Variants in UBL3 observed in about 807,000 individuals in gnomAD.
The protein encoded by UBL3 is ubiquitin like 3, also known as ubiquitin-like protein 3.
In UBL3, 6 loss-of-function variants were observed where a neutral mutation model predicts 18.4. The ratio of observed to expected loss-of-function variants is 0.33; its 90% CI spans 0.18 to 0.64. The LOEUF is 0.64. Ranked by LOEUF, UBL3 falls within the 30% of genes least tolerant of loss-of-function variation. The pLI, the probability that UBL3 is intolerant of heterozygous loss-of-function variation, is 0.76. For synonymous variants in UBL3, 49 were observed against 46.6 expected, an observed-to-expected ratio of 1.05 and a Z score of -0.21; for missense variants, 109 against 142.9, an observed-to-expected ratio of 0.76 and a Z score of 1.21.
intron 1 of UBL3, among the ~76,000 whole-genome samples, chr13:29,801,489 C>G (rs891586084): frequency 6.6e-6 from 1 of 152,244 alleles, no homozygotes; most frequent in Non-Finnish European, 1.5e-5. Flanking sequence ...GAGCCCTCAA[C>G]CCCCGCATTT....
At chr13:29,838,008 C>G (rs552018264) in intron 1 of UBL3, among the ~76,000 whole-genome samples, 1 of 150,800 alleles carries the variant, frequency 6.6e-6, no homozygotes, top group African/African-American at 2.4e-5. Context: ...CCTCAAGATA[C>G]TCTACAAGCT....
At chr13:29,818,107 A>T (rs924688624) in intron 1 of UBL3, among the ~76,000 whole-genome samples, 4 of 152,202 alleles carry the variant, frequency 2.6e-5, no homozygotes, top group African/African-American at 9.6e-5. Flanking sequence ...GCATTACACC[A>T]GAATCAGCTC....
rs189256711 is a variant in UBL3 at position 29,775,173 on chromosome 13, C to A, written c.136+1982G>T. On this transcript the variant is annotated intron_variant, in intron 2 of 4. Coordinates refer to ENST00000380680, the MANE Select transcript of UBL3 (RefSeq NM_007106.4). The stretch of plus-strand genomic sequence containing the variant: ...TTTGGCAAAAATACATCATCTAGCA[C>A]ATTAATGTTGTTAACTTGAACATTA... Among the ~76,000 whole-genome samples, 295 of 152,256 alleles carry A rather than the reference C, an allele frequency of 1.9e-3. 4 individuals are homozygous for A. Among genetic ancestry groups the A allele is most frequent in the African/African-American group, 6.0e-3 (249 of 41,534 alleles).
intron 1 of UBL3, among the ~76,000 whole-genome samples, chr13:29,828,916 C>G (rs569054962): frequency 1.3e-5 from 2 of 152,310 alleles, no homozygotes; most frequent in South Asian, 4.1e-4. Flanking sequence ...AGCGGAAGGT[C>G]TGTTGTAGTT....
At chr13:29,788,728 T>C (rs1349441300) in intron 1 of UBL3, among the ~76,000 whole-genome samples, 11 of 152,110 alleles carry the variant, frequency 7.2e-5, no homozygotes, top group Non-Finnish European at 4.4e-5. Context: ...GGAATATAAG[T>C]AGATGCTAAG....
chr13:29,821,199 G>C (rs889021638), intron 1 of UBL3, among the ~76,000 whole-genome samples: 12 of 151,690 alleles, frequency 7.9e-5, no homozygotes, highest in African/African-American at 2.9e-4. Context: ...TACCAAAAAA[G>C]CTTTGTTAAA....
chr13:29,793,972 G>A (rs1298389767), intron 1 of UBL3, among the ~76,000 whole-genome samples: 1 of 152,124 alleles, frequency 6.6e-6, no homozygotes, highest in African/African-American at 2.4e-5. Flanking sequence ...AGCCTCCCAA[G>A]TAGCTGGGAT....
At chr13:29,823,216 C>T (rs551410679) in intron 1 of UBL3, among the ~76,000 whole-genome samples, 33 of 152,270 alleles carry the variant, frequency 2.2e-4, no homozygotes, top group African/African-American at 7.7e-4. Flanking sequence ...GATCTCAACT[C>T]ACTGCAACCT....
intron 1 of UBL3, among the ~76,000 whole-genome samples, chr13:29,810,668 A>T (rs902611416): frequency 1.2e-4 from 18 of 152,104 alleles, no homozygotes; most frequent in African/African-American, 4.3e-4. Context: ...CTAAGTGAAA[A>T]TACAGGTATT....
chr13:29,765,030 G>A lies in UBL3; in HGVS notation c.*2225C>T, dbSNP rs1308108114. The A allele has an allele frequency of 2.6e-5, 4 of 151,166 alleles. No individual in the cohort carries two copies. The highest frequency in any genetic ancestry group is 7.3e-5 in the African/African-American group (3 of 41,140). The allele number at this position is 151,166 out of a possible 1,614,324, so 9.4% of individuals were successfully genotyped here. On this transcript the variant is annotated 3_prime_UTR_variant, in exon 5 of 5. Coordinates refer to ENST00000380680, the MANE Select transcript of UBL3 (RefSeq NM_007106.4). Reference sequence around the variant, plus strand: ...ACAACTATGATATTAGGTATTAAGCGACGTAATTCTTTCTCTACTAGTGAA... The same window carrying A: ...ACAACTATGATATTAGGTATTAAGCAACGTAATTCTTTCTCTACTAGTGAA...
chr13:29,775,668 T>A (rs930887615), intron 2 of UBL3, among the ~76,000 whole-genome samples: 1 of 151,770 alleles, frequency 6.6e-6, no homozygotes, highest in African/African-American at 2.4e-5. Context: ...CAGGCGGGAG[T>A]ACAGACGCAT....
intron 1 of UBL3, among the ~76,000 whole-genome samples, chr13:29,836,148 AT>A (rs1330389112): frequency 6.6e-6 from 1 of 152,184 alleles, no homozygotes; most frequent in Non-Finnish European, 1.5e-5. Flanking sequence ...GATTCTAGAT[AT>A]ACTTTGAAAG....
intron 1 of UBL3, among the ~76,000 whole-genome samples, chr13:29,799,570 GTC>G (rs910894180): frequency 5.3e-5 from 8 of 152,038 alleles, no homozygotes; most frequent in African/African-American, 1.7e-4. Context: ...AAAATTATGA[GTC>G]TGTAACAAAA....
At chr13:29,803,427 C>A (rs970922079) in intron 1 of UBL3, among the ~76,000 whole-genome samples, 1 of 152,134 alleles carries the variant, frequency 6.6e-6, no homozygotes, top group African/African-American at 2.4e-5. Context: ...CAAATCCACA[C>A]ATATCAATAT....
At chr13:29,801,575 C>A (rs567519509) in intron 1 of UBL3, among the ~76,000 whole-genome samples, 3 of 152,172 alleles carry the variant, frequency 2.0e-5, no homozygotes, top group Admixed American at 2.0e-4. Context: ...CCACTAGCAA[C>A]GGCTCAGCAT....
chr13:29,828,519 A>T (rs923905703), intron 1 of UBL3, among the ~76,000 whole-genome samples: 3 of 152,096 alleles, frequency 2.0e-5, no homozygotes, highest in Non-Finnish European at 4.4e-5. Flanking sequence ...CATGGTTTTC[A>T]GCTCCATCAG....
At chr13:29,817,375 A>C (rs1331284825) in intron 1 of UBL3, among the ~76,000 whole-genome samples, 1 of 152,110 alleles carries the variant, frequency 6.6e-6, no homozygotes, top group Non-Finnish European at 1.5e-5. Flanking sequence ...GAACCTTCGA[A>C]TTTTTTAAAT....
At chr13:29,798,149 C>G (rs973148590) in intron 1 of UBL3, among the ~76,000 whole-genome samples, 1 of 152,030 alleles carries the variant, frequency 6.6e-6, no homozygotes, top group Non-Finnish European at 1.5e-5. Context: ...CCTCAGCCTC[C>G]GGAGTAGCTA....
intron 1 of UBL3, chr13:29,779,271 T>C (rs1371281056): frequency 2.0e-6 from 1 of 499,744 alleles, no homozygotes; most frequent in Non-Finnish European, 4.0e-6. Flanking sequence ...GGTTTTCTCT[T>C]AATGTATGAA....
Sources: gnomAD v4.1 joint callset for allele counts (sites outside exome capture counted in the v4.1 genomes callset) on GRCh38, gnomAD v4.1.1 for gene constraint, MANE v1.5 for transcripts, NCBI Gene and HGNC (gene_info 2026-07-23, HGNC 2026-07-21) for gene names.